The following CEP63 variants were observed in gnomAD, a reference collection of about 807,000 sequenced individuals.
CEP63 encodes centrosomal protein of 63 kDa.
CEP63 carries 84 observed loss-of-function variants against 89.1 expected under a neutral mutation model. The ratio of observed to expected loss-of-function variants is 0.94; its 90% CI spans 0.79 to 1.13. The LOEUF is 1.13. CEP63 is among the 50% of genes most tolerant of loss of function. CEP63 has a pLI of 0.00. For synonymous variants in CEP63, 267 were observed against 272.5 expected (o/e 0.98, Z 0.20); for missense variants, 838 against 813.3 (o/e 1.03, Z -0.37).
rs147842745 is a variant in CEP63, at chr3:134,541,058, A to G, written c.555+3790A>G. On this transcript the variant is annotated intron_variant, in intron 6 of 14. Transcript: ENST00000675561. Reference sequence around the variant, plus strand: ...TGGCCTCCCAAAGTGCTAGGATTACAGGCGTGAACCATCGCACCTGGCCGG... The same window carrying G: ...TGGCCTCCCAAAGTGCTAGGATTACGGGCGTGAACCATCGCACCTGGCCGG... Among the ~76,000 whole-genome samples the G allele has an allele frequency of 1.6e-3, 249 of 152,280 alleles. 2 individuals carry two copies. The highest frequency in any genetic ancestry group is 5.0e-3 in the African/African-American group (207 of 41,542).
intron 9 of CEP63, among the ~76,000 whole-genome samples, chr3:134,547,709 A>T (rs1318159167): frequency 6.9e-6 from 1 of 145,876 alleles, no homozygotes; most frequent in East Asian, 2.1e-4. Flanking sequence ...CTCCCGGTTC[A>T]ATTGATTCTT....
the CEP63 span, among the ~76,000 whole-genome samples, chr3:134,736,869 G>A: frequency 6.6e-6 from 1 of 152,124 alleles, no homozygotes; most frequent in Admixed American, 6.5e-5. Context: ...TGATTTTGAG[G>A]AAGAATAAGG....
At chr3:134,670,879 T>C in the CEP63 span, among the ~76,000 whole-genome samples, 1 of 152,328 alleles carries the variant, frequency 6.6e-6, no homozygotes, top group Admixed American at 6.5e-5. Context: ...TGGATGAACA[T>C]CTACAACACA....
the CEP63 span, among the ~76,000 whole-genome samples, chr3:134,759,153 C>T: frequency 0.056 from 8,498 of 152,272 alleles, 456 homozygotes; most frequent in African/African-American, 0.13. Context: ...TGGTTTTAGA[C>T]TTCTGACTCT....
intron 3 of CEP63, among the ~76,000 whole-genome samples, chr3:134,522,530 G>A (rs1212596013): frequency 6.6e-6 from 1 of 152,096 alleles, no homozygotes. Flanking sequence ...AGGTAAACTT[G>A]TGTCGTGGGG....
chr3:134,506,947 C>T (rs1181143612), intron 2 of CEP63, among the ~76,000 whole-genome samples, 162 bp from the exon 3 acceptor site: 1 of 146,992 alleles, frequency 6.8e-6, no homozygotes, highest in Non-Finnish European at 1.5e-5. Context: ...AAAAAAAGCT[C>T]AGCAATCCTA....
At chr3:134,651,647 T>C in the CEP63 span, 3 of 974,700 alleles carry the variant, frequency 3.1e-6, no homozygotes, top group Non-Finnish European at 3.7e-6. Flanking sequence ...CTGTAGAACT[T>C]GGAACATGCC....
chr3:134,543,548 G>C (rs1355828711), intron 6 of CEP63, among the ~76,000 whole-genome samples: 1 of 152,134 alleles, frequency 6.6e-6, no homozygotes, highest in Non-Finnish European at 1.5e-5. Context: ...AGTATGCCTT[G>C]GTTTAACTAT....
chr3:134,624,938 C>T, the CEP63 span: 3 of 907,070 alleles, frequency 3.3e-6, no homozygotes, highest in Non-Finnish European at 3.5e-6. Context: ...ATTCCAGGGC[C>T]ATCCAACCAA....
At chr3:134,617,889 T>A in the CEP63 span, among the ~76,000 whole-genome samples, 43 of 152,012 alleles carry the variant, frequency 2.8e-4, no homozygotes, top group African/African-American at 1.0e-3. Context: ...TGCTAGATAG[T>A]GTGATCCTTT....
At chr3:134,781,513 C>T in the CEP63 span, among the ~76,000 whole-genome samples, 6 of 152,138 alleles carry the variant, frequency 3.9e-5, no homozygotes, top group Admixed American at 1.3e-4. Flanking sequence ...GTGAGGAAGG[C>T]GGGAGAGGGT....
downstream of CEP63, among the ~76,000 whole-genome samples, chr3:134,591,108 C>G (rs375241399): frequency 6.6e-6 from 1 of 152,174 alleles, no homozygotes; most frequent in African/African-American, 2.4e-5. Flanking sequence ...TTGAATGTTT[C>G]TAAATGTTCT....
At chr3:134,491,456 C>T (rs954178182) in intron 1 of CEP63, among the ~76,000 whole-genome samples, 14 of 152,004 alleles carry the variant, frequency 9.2e-5, no homozygotes, top group Admixed American at 1.3e-4. Context: ...GGTAATTAAC[C>T]GTTTGTGGTA....
the CEP63 span, among the ~76,000 whole-genome samples, chr3:134,692,157 C>T: frequency 1.3e-5 from 2 of 151,942 alleles, no homozygotes; most frequent in East Asian, 1.9e-4. Flanking sequence ...ATGTGCACAA[C>T]GTGCAGGTTT....
the CEP63 span, among the ~76,000 whole-genome samples, chr3:134,761,179 G>A: frequency 2.0e-4 from 30 of 152,290 alleles, no homozygotes; most frequent in African/African-American, 6.5e-4. Flanking sequence ...TCATTTAAAT[G>A]CTCAGATGCC....
At chr3:134,752,540 T>G in the CEP63 span, among the ~76,000 whole-genome samples, 1 of 152,102 alleles carries the variant, frequency 6.6e-6, no homozygotes, top group South Asian at 2.1e-4. Flanking sequence ...TGCAGGAAAT[T>G]ACCAATGGGA....
chr3:134,650,834 G>C, the CEP63 span: 1 of 1,596,460 alleles, frequency 6.3e-7, no homozygotes, highest in South Asian at 1.1e-5. Flanking sequence ...CCTCCTCCGC[G>C]CTGCAGCAGC....
intron 1 of CEP63, among the ~76,000 whole-genome samples, chr3:134,486,922 A>G (rs544659601): frequency 5.2e-4 from 79 of 152,338 alleles, no homozygotes; most frequent in Non-Finnish European, 1.0e-3. Context: ...AAGACAGTAC[A>G]TTTAGGCTTA....
At chr3:134,524,169 C>T (rs1206964052) in intron 3 of CEP63, among the ~76,000 whole-genome samples, 2 of 151,932 alleles carry the variant, frequency 1.3e-5, no homozygotes, top group Non-Finnish European at 2.9e-5. Flanking sequence ...GATTGCATTC[C>T]TGATTTGGCT....
Sources: gnomAD v4.1 joint callset for allele counts (sites outside exome capture counted in the v4.1 genomes callset) on GRCh38, gnomAD v4.1.1 for gene constraint, MANE v1.5 for transcripts, NCBI Gene and HGNC (gene_info 2026-07-23, HGNC 2026-07-21) for gene names.